AGK: variants seen among roughly 807,000 people sequenced by gnomAD.
The protein encoded by AGK is acylglycerol kinase.
Under a neutral mutation model 66.4 loss-of-function variants are expected in AGK, and 52 were observed. The observed-to-expected ratio is 0.78, with a 90% CI of 0.63 to 0.99. AGK has a LOEUF of 0.99. Among genes scored for constraint, AGK ranks in the 50% least tolerant of loss-of-function variants. The pLI is 0.00. For missense variants in AGK, 451 were observed against 506.6 expected (o/e 0.89, Z 1.05); for synonymous variants, 182 against 181.1 (o/e 1.00, Z -0.04).
chr7:141,587,582 T>C (rs1469087805), intron 2 of AGK, among the ~76,000 whole-genome samples: 1 of 152,226 alleles, frequency 6.6e-6, no homozygotes, highest in Non-Finnish European at 1.5e-5. Flanking sequence ...CTAGCACTTG[T>C]ACGCTTTGAC....
intron 13 of AGK, among the ~76,000 whole-genome samples, chr7:141,644,801 C>A (rs555361599): frequency 1.4e-3 from 208 of 152,160 alleles, no homozygotes; most frequent in Non-Finnish European, 2.2e-3. Context: ...TATGTTCTTT[C>A]CAAATAGAAA....
At chr7:141,585,018 G>A (rs1397869501) in intron 2 of AGK, among the ~76,000 whole-genome samples, 1 of 152,202 alleles carries the variant, frequency 6.6e-6, no homozygotes, top group Non-Finnish European at 1.5e-5. Context: ...GTGTGGTTTG[G>A]AGAACAAGAA....
At chr7:141,588,187 T>C (rs917410807) in intron 2 of AGK, among the ~76,000 whole-genome samples, 7 of 152,234 alleles carry the variant, frequency 4.6e-5, no homozygotes, top group African/African-American at 7.2e-5. Flanking sequence ...CATTGAGTAT[T>C]GTCTGAAGTT....
chr7:141,601,786 T>A (rs988582723), intron 5 of AGK, among the ~76,000 whole-genome samples: 1 of 152,126 alleles, frequency 6.6e-6, no homozygotes, highest in African/African-American at 2.4e-5. Context: ...AGGACTCTAC[T>A]TGTTGAATTT....
At chr7:141,595,100 T>C (rs180870254) in intron 3 of AGK, among the ~76,000 whole-genome samples, 2 of 152,356 alleles carry the variant, frequency 1.3e-5, no homozygotes, top group African/African-American at 4.8e-5. Flanking sequence ...GAAAACATGA[T>C]ATTTAATAAC....
intron 2 of AGK, among the ~76,000 whole-genome samples, chr7:141,557,661 T>C (rs1422628536): frequency 4.6e-5 from 7 of 152,310 alleles, no homozygotes; most frequent in African/African-American, 1.4e-4. Context: ...TTGTTCTAAA[T>C]TGGATCTGAA....
At chr7:141,580,928 G>A (rs1032966606) in intron 2 of AGK, among the ~76,000 whole-genome samples, 7 of 151,890 alleles carry the variant, frequency 4.6e-5, no homozygotes, top group African/African-American at 1.7e-4. Context: ...AAAGGATTTA[G>A]GATCTATGGA....
rs546796645 is a variant in AGK, at chr7:141,573,827, T to C, written c.101+18260T>C. 1.2e-4 allele frequency among the ~76,000 whole-genome samples: 19 copies of C among 152,312 alleles called. No homozygotes were observed. In the East Asian group the frequency reaches 2.9e-3, roughly 23 times the overall value. ...CTATGTAATCTGTTTTCTCTCCTTT[T>C]TCTTTATTATTATTATACTTTAAGT... On this transcript the variant is annotated intron_variant, in intron 2 of 15. Transcript: ENST00000649286.
chr7:141,553,631 G>C (rs1214141948), intron 1 of AGK, among the ~76,000 whole-genome samples: 2 of 152,178 alleles, frequency 1.3e-5, no homozygotes, highest in Non-Finnish European at 2.9e-5. Flanking sequence ...TACCATATAG[G>C]TGTTTATTAA....
chr7:141,556,036 C>T (rs1795204195), intron 2 of AGK, among the ~76,000 whole-genome samples: 2 of 152,100 alleles, frequency 1.3e-5, no homozygotes, highest in Non-Finnish European at 2.9e-5. Flanking sequence ...GGAGATATGA[C>T]ACATCAATCA....
intron 2 of AGK, among the ~76,000 whole-genome samples, chr7:141,563,313 T>G (rs896969176): frequency 6.6e-6 from 1 of 152,220 alleles, no homozygotes; most frequent in Non-Finnish European, 1.5e-5. Flanking sequence ...TGTAAGGATG[T>G]TGGGATTCTC....
At chr7:141,632,671 A>C (rs1562979970) in intron 9 of AGK, among the ~76,000 whole-genome samples, 1 of 152,206 alleles carries the variant, frequency 6.6e-6, no homozygotes, top group African/African-American at 2.4e-5. Context: ...GCACCCAGAA[A>C]ACTAATATGT....
chr7:141,586,797 T>C (rs1166672979), intron 2 of AGK, among the ~76,000 whole-genome samples: 1 of 152,210 alleles, frequency 6.6e-6, no homozygotes, highest in Non-Finnish European at 1.5e-5. Flanking sequence ...GTTATCTACC[T>C]GATTTTTCCT....
intron 3 of AGK, among the ~76,000 whole-genome samples, chr7:141,595,352 CA>C (rs1796206514): frequency 6.6e-6 from 1 of 152,094 alleles, no homozygotes; most frequent in Non-Finnish European, 1.5e-5. Flanking sequence ...GGAGATTTAG[CA>C]GCAAAATGTT....
intron 5 of AGK, among the ~76,000 whole-genome samples, chr7:141,603,844 A>T (rs897467055): frequency 3.3e-5 from 5 of 152,192 alleles, no homozygotes; most frequent in Admixed American, 6.5e-5. Context: ...TCAGTTACAG[A>T]TATCCTCTAA....
chr7:141,573,858 G>A (rs1339100192), intron 2 of AGK, among the ~76,000 whole-genome samples: 1 of 151,822 alleles, frequency 6.6e-6, no homozygotes, highest in Non-Finnish European at 1.5e-5. Context: ...TAAGTTTTAG[G>A]GTACATGTGC....
intron 10 of AGK, among the ~76,000 whole-genome samples, chr7:141,634,234 T>A (rs1389089062): frequency 6.6e-6 from 1 of 152,154 alleles, no homozygotes; most frequent in African/African-American, 2.4e-5. Flanking sequence ...TGTCTCTATT[T>A]TTAGACACAC....
At chr7:141,642,130 T>C (rs1185887654) in intron 13 of AGK, among the ~76,000 whole-genome samples, 1 of 152,236 alleles carries the variant, frequency 6.6e-6, no homozygotes, top group Admixed American at 6.5e-5. Context: ...TCTGATTACA[T>C]GTTCTGCTCA....
chr7:141,574,171 G>C (rs1795679094), intron 2 of AGK, among the ~76,000 whole-genome samples: 1 of 152,116 alleles, frequency 6.6e-6, no homozygotes, highest in African/African-American at 2.4e-5. Context: ...AATGAAAAAA[G>C]AGCAGAAAAA....
Sources: allele counts gnomAD v4.1 joint callset (sites outside exome capture counted in the v4.1 genomes callset), GRCh38; gene constraint gnomAD v4.1.1; transcripts MANE v1.5; gene names NCBI Gene and HGNC (gene_info 2026-07-23, HGNC 2026-07-21).